FAM227B: variants seen among roughly 807,000 people sequenced by gnomAD.
FAM227B encodes the protein protein FAM227B.
FAM227B carries 88 observed loss-of-function variants against 73.8 expected under a neutral mutation model. The ratio of observed to expected loss-of-function variants is 1.19; its 90% CI spans 1.00 to 1.42. The LOEUF (loss-of-function observed/expected upper bound fraction) is 1.42. Among genes scored for constraint, FAM227B ranks in the 40% most tolerant of loss-of-function variants. The probability of loss-of-function intolerance (pLI) is 0.00; values close to 1 mark genes in which losing one functional copy is unlikely to be tolerated. For synonymous variants in FAM227B, 210 were observed against 190.5 expected, an observed-to-expected ratio of 1.10 and a Z score of -0.84; for missense variants, 632 against 590.9, an observed-to-expected ratio of 1.07 and a Z score of -0.72.
chr15:49,338,185 G>A (rs1255967317), intron 13 of FAM227B, among the ~76,000 whole-genome samples: 3 of 152,242 alleles, frequency 2.0e-5, no homozygotes, highest in South Asian at 2.1e-4. Flanking sequence ...GATGCTATCT[G>A]GTTGTTTTGC....
At position 49,328,656 on chromosome 15, in the gene FAM227B, T is replaced by C. The variant is rs1478419426; in HGVS notation, c.1439A>G (p.Glu480Gly). ...LHKLRSEAEI[E>G]RECVASLSSS... ...CGATAGTGATGCCACACATTCTCTC[T>C]CAATTTCAGCTTCGGAACGCTATGA... The change falls in exon 16 of 16, where the codon GAG becomes GGG. Residue 480 changes from glutamate to glycine, a missense_variant. Transcript: ENST00000299338. 1 of 1,569,586 alleles carries C rather than the reference T, an allele frequency of 6.4e-7. No individual in the cohort carries two copies. The highest frequency in any genetic ancestry group is 8.7e-7 in the Non-Finnish European group (1 of 1,154,264).
intron 3 of FAM227B, among the ~76,000 whole-genome samples, chr15:49,609,559 C>G (rs2077751048): frequency 6.6e-6 from 1 of 151,896 alleles, no homozygotes; most frequent in Admixed American, 6.6e-5. Flanking sequence ...TAAGGGCAGG[C>G]ATCTTTGCTT....
intron 11 of FAM227B, among the ~76,000 whole-genome samples, chr15:49,502,815 G>C (rs2058252388): frequency 6.6e-6 from 1 of 152,208 alleles, no homozygotes; most frequent in Non-Finnish European, 1.5e-5. Context: ...AATCCCCAGT[G>C]TTGGAGGTGG....
Position 49,367,559 on chromosome 15 carries a change from A to G in FAM227B, c.1160T>C (p.Phe387Ser). Residue 387 changes from phenylalanine (F) to serine (S), a missense_variant, in exon 13 of 16, where the codon TTT (phenylalanine) becomes TCT (serine). Coordinates refer to ENST00000299338, the MANE Select transcript of FAM227B (RefSeq NM_152647.3). ...GPEFNRVLFN[F>S]GGQSPLILYY... ...TAAAATCAATGGACTCTGACCTCCA[A>G]AATTGAAGAGAACACGATTAAACTC... 6.2e-7 allele frequency: 1 copy of G among 1,604,378 alleles called. No homozygotes were observed. Among genetic ancestry groups the G allele is most frequent in the Non-Finnish European group, 8.5e-7 (1 of 1,177,880 alleles).
chr15:49,374,077 T>A (rs1177807519), intron 11 of FAM227B, among the ~76,000 whole-genome samples: 6 of 152,168 alleles, frequency 3.9e-5, no homozygotes, highest in Non-Finnish European at 7.4e-5. Flanking sequence ...TTTGGGTAAC[T>A]GGTTTTTCCA....
intron 6 of FAM227B, 62 bp downstream of exon 6, chr15:49,577,567 A>G: frequency 9.8e-7 from 1 of 1,019,462 alleles, no homozygotes; most frequent in East Asian, 2.4e-5. Context: ...TGTTGTAAAC[A>G]TTATTTTAGT....
chr15:49,470,496 A>G (rs2054643040), intron 11 of FAM227B, among the ~76,000 whole-genome samples: 1 of 152,132 alleles, frequency 6.6e-6, no homozygotes, highest in African/African-American at 2.4e-5. Flanking sequence ...CTTCAAACTT[A>G]ATATCTTCAT....
intron 10 of FAM227B, among the ~76,000 whole-genome samples, chr15:49,539,147 T>C (rs909952925): frequency 2.0e-5 from 3 of 152,116 alleles, no homozygotes; most frequent in African/African-American, 7.2e-5. Flanking sequence ...GTGTAGTGTT[T>C]CTGGCTTGGT....
intron 5 of FAM227B, among the ~76,000 whole-genome samples, chr15:49,585,608 T>C (rs577176441): frequency 6.6e-6 from 1 of 151,664 alleles, no homozygotes; most frequent in African/African-American, 2.4e-5. Context: ...AACCAAACAC[T>C]GCATGTTCTC....
At chr15:49,365,253 C>G in intron 13 of FAM227B, 6 of 1,181,860 alleles carry the variant, frequency 5.1e-6, no homozygotes, top group Non-Finnish European at 7.6e-6. Flanking sequence ...CAGGCAACAA[C>G]TGAGGCAATA....
At chr15:49,504,176 A>T (rs2152102006) in intron 11 of FAM227B, among the ~76,000 whole-genome samples, 1 of 151,474 alleles carries the variant, frequency 6.6e-6, no homozygotes, top group Non-Finnish European at 1.5e-5. Context: ...TATCGCAAGG[A>T]CAAAAAACCA....
chr15:49,390,646 A>AAC (rs2047156947), intron 11 of FAM227B, among the ~76,000 whole-genome samples: 1 of 151,918 alleles, frequency 6.6e-6, no homozygotes, highest in South Asian at 2.1e-4. Flanking sequence ...CTCCTATCTC[A>AAC]CTTTTTGAAT....
At chr15:49,590,541 G>A (rs2076461298) in intron 3 of FAM227B, among the ~76,000 whole-genome samples, 1 of 152,052 alleles carries the variant, frequency 6.6e-6, no homozygotes, top group South Asian at 2.1e-4. Flanking sequence ...TTTTTTTCTA[G>A]TTTTATTAAA....
intron 3 of FAM227B, among the ~76,000 whole-genome samples, chr15:49,597,657 CAAAGAT>C (rs1369693857): frequency 6.6e-6 from 1 of 151,690 alleles, no homozygotes; most frequent in Non-Finnish European, 1.5e-5. Context: ...AAAGACAAGA[CAAAGAT>C]AAACTAAACA....
intron 3 of FAM227B, chr15:49,606,171 C>T (rs1479407036): frequency 6.6e-6 from 1 of 152,016 alleles, no homozygotes; most frequent in Non-Finnish European, 1.5e-5. Flanking sequence ...TTCCTTAGCT[C>T]TTGTAAAGGT....
chr15:49,542,245 T>C (rs2071174739), intron 9 of FAM227B, among the ~76,000 whole-genome samples: 3 of 152,182 alleles, frequency 2.0e-5, no homozygotes, highest in African/African-American at 7.2e-5. Context: ...TTAGTACAAT[T>C]TATTGAGAAA....
chr15:49,584,007 T>C (rs1360591632), intron 5 of FAM227B, among the ~76,000 whole-genome samples: 2 of 152,140 alleles, frequency 1.3e-5, no homozygotes, highest in African/African-American at 2.4e-5. Context: ...CCCTAACTCA[T>C]TCTATGAGGC....
At chr15:49,596,603 G>C (rs2076898788) in intron 3 of FAM227B, among the ~76,000 whole-genome samples, 1 of 151,958 alleles carries the variant, frequency 6.6e-6, no homozygotes, top group Admixed American at 6.6e-5. Flanking sequence ...CTGGCATGAT[G>C]AATAGAATAG....
intron 9 of FAM227B, among the ~76,000 whole-genome samples, chr15:49,557,441 C>T (rs907383792): frequency 3.9e-5 from 6 of 152,118 alleles, no homozygotes; most frequent in African/African-American, 1.4e-4. Context: ...CTGTTGCTTT[C>T]CTCTTTTAGA....
Sources: allele counts gnomAD v4.1 joint callset (sites outside exome capture counted in the v4.1 genomes callset), GRCh38; gene constraint gnomAD v4.1.1; transcripts MANE v1.5; gene names NCBI Gene and HGNC (gene_info 2026-07-23, HGNC 2026-07-21).